The following DPRX variants were observed in gnomAD, a reference collection of about 807,000 sequenced individuals.
DPRX encodes the protein divergent-paired related homeobox.
A neutral mutation model predicts 8.4 loss-of-function variants in DPRX; 11 were observed. The ratio of observed to expected loss-of-function variants is 1.31; its 90% CI spans 0.82 to 2.17. The LOEUF is 2.17. Ranked by LOEUF, DPRX falls within the 30% of genes most tolerant of loss-of-function variation. The probability of loss-of-function intolerance (pLI) is 0.00; values close to 1 mark genes in which losing one functional copy is unlikely to be tolerated. For synonymous variants in DPRX, 72 were observed against 87.0 expected (o/e 0.83, Z 0.96); for missense variants, 211 against 236.7 (o/e 0.89, Z 0.71).
At chr19:53,623,314 T>TAAATAAATAAAG in the DPRX span, among the ~76,000 whole-genome samples, 1 of 105,598 alleles carries the variant, frequency 9.5e-6, no homozygotes, top group African/African-American at 4.2e-5. Flanking sequence ...CTCAAAAAAA[T>TAAATAAATAAAG]AAATAAATAA....
chr19:53,620,914 G>T, the DPRX span, among the ~76,000 whole-genome samples: 1 of 151,856 alleles, frequency 6.6e-6, no homozygotes, highest in African/African-American at 2.4e-5. Context: ...ATTTTCTATG[G>T]GATAAATGAC....
At chr19:53,636,856 A>C (rs2091114916) in exon 3 of DPRX, 1 of 1,614,094 alleles carries the variant, frequency 6.2e-7, no homozygotes, top group South Asian at 1.1e-5. Context: ...TTGGCCACAG[A>C]ATAGTCCATT....
chr19:53,624,059 T>G, the DPRX span, among the ~76,000 whole-genome samples: 1 of 151,296 alleles, frequency 6.6e-6, no homozygotes, highest in Non-Finnish European at 1.5e-5. Flanking sequence ...TATTTCATAT[T>G]AATGCACTGA....
chr19:53,636,995 C>A, exon 3 of DPRX: 1 of 1,582,414 alleles, frequency 6.3e-7, no homozygotes. Context: ...ATGATAAATA[C>A]AAAAAGTCAC....
chr19:53,612,021 T>G, the DPRX span, among the ~76,000 whole-genome samples: 2 of 150,784 alleles, frequency 1.3e-5, no homozygotes, highest in Non-Finnish European at 3.0e-5. Flanking sequence ...GAGGTGGAGG[T>G]TGCCGTGAGC....
At chr19:53,630,605 G>T (rs1019736547), upstream of DPRX, among the ~76,000 whole-genome samples, 5 of 151,842 alleles carry the variant, frequency 3.3e-5, no homozygotes, top group Admixed American at 3.3e-4. Context: ...CGAGGCTGCA[G>T]TCAGCTGTGT....
the DPRX span, among the ~76,000 whole-genome samples, chr19:53,621,765 CAG>C: frequency 6.6e-6 from 1 of 151,884 alleles, no homozygotes; most frequent in African/African-American, 2.4e-5. Context: ...CCCTGGGAAA[CAG>C]AGCAAGACTC....
chr19:53,602,916 A>G, the DPRX span, among the ~76,000 whole-genome samples: 1 of 151,248 alleles, frequency 6.6e-6, no homozygotes, highest in East Asian at 2.0e-4. Context: ...ACCTCAAGTG[A>G]TCCACTTGCC....
At chr19:53,636,778 G>C in exon 3 of DPRX, 3 of 1,614,024 alleles carry the variant, frequency 1.9e-6, no homozygotes, top group Non-Finnish European at 2.5e-6. Flanking sequence ...TGGTGTACAC[G>C]GGTCATCGAG....
chr19:53,612,526 G>A, the DPRX span, among the ~76,000 whole-genome samples: 1 of 152,052 alleles, frequency 6.6e-6, no homozygotes, highest in African/African-American at 2.4e-5. Flanking sequence ...GGCCAACATG[G>A]TGAAACCTCG....
At chr19:53,636,802 G>A in exon 3 of DPRX, 2 of 1,614,100 alleles carry the variant, frequency 1.2e-6, no homozygotes, top group Non-Finnish European at 1.7e-6. Flanking sequence ...CCTCATTCCA[G>A]CTCATCCTGT....
chr19:53,630,044 T>G (rs2122155639), upstream of DPRX: 1 of 149,844 alleles, frequency 6.7e-6, no homozygotes, highest in African/African-American at 2.5e-5. Flanking sequence ...CTGTCTCTAC[T>G]AAAAATACAA....
At chr19:53,616,206 T>C in the DPRX span, among the ~76,000 whole-genome samples, 1 of 151,594 alleles carries the variant, frequency 6.6e-6, no homozygotes, top group Admixed American at 6.6e-5. Flanking sequence ...GACCCGAGAT[T>C]GCGCCATTGC....
the DPRX span, among the ~76,000 whole-genome samples, chr19:53,624,684 G>A: frequency 6.6e-6 from 1 of 151,908 alleles, no homozygotes; most frequent in Non-Finnish European, 1.5e-5. Context: ...CAAAGTGCTG[G>A]GATTACAAGG....
the DPRX span, among the ~76,000 whole-genome samples, chr19:53,601,727 C>T: frequency 1.0e-3 from 152 of 152,184 alleles, 3 homozygotes; most frequent in Non-Finnish European, 1.7e-3. Flanking sequence ...AGTGATCCAC[C>T]CGCCTTGGCC....
chr19:53,618,168 GA>G, the DPRX span, among the ~76,000 whole-genome samples: 33 of 142,074 alleles, frequency 2.3e-4, no homozygotes, highest in South Asian at 6.7e-4. Flanking sequence ...AAGAAAGAAA[GA>G]AAAGAAAATA....
the DPRX span, among the ~76,000 whole-genome samples, chr19:53,619,535 C>T: frequency 4.0e-5 from 6 of 151,762 alleles, no homozygotes; most frequent in African/African-American, 7.3e-5. Context: ...ATTAGCCTTG[C>T]GTGGTGGTGC....
At chr19:53,631,326 T>G (rs1004386350), upstream of DPRX, among the ~76,000 whole-genome samples, 1 of 151,658 alleles carries the variant, frequency 6.6e-6, no homozygotes, top group Non-Finnish European at 1.5e-5. Flanking sequence ...TGAGATGATT[T>G]CTGAGTGAGT....
upstream of DPRX, among the ~76,000 whole-genome samples, chr19:53,628,532 A>G (rs2091079412): frequency 6.6e-6 from 1 of 151,954 alleles, no homozygotes; most frequent in Non-Finnish European, 1.5e-5. Context: ...GTTCGGTGGC[A>G]TTTAGTACAT....
Sources: allele counts gnomAD v4.1 joint callset (sites outside exome capture counted in the v4.1 genomes callset), GRCh38; gene constraint gnomAD v4.1.1; transcripts MANE v1.5; gene names NCBI Gene and HGNC (gene_info 2026-07-23, HGNC 2026-07-21).